Variants in PGM1 observed in about 807,000 individuals in gnomAD.
PGM1 encodes phosphoglucomutase-1.
In PGM1, 52 loss-of-function variants were observed where a neutral mutation model predicts 55.6. The ratio of observed to expected loss-of-function variants is 0.94; its 90% confidence interval spans 0.75 to 1.18. PGM1 has a LOEUF of 1.18. Among genes scored for constraint, PGM1 ranks in the 50% most tolerant of loss-of-function variants. The pLI, the probability that PGM1 is intolerant of heterozygous loss-of-function variation, is 0.00. For missense variants in PGM1, 724 were observed against 729.3 expected, an observed-to-expected ratio of 0.99 and a Z score of 0.08; for synonymous variants, 287 against 271.7, an observed-to-expected ratio of 1.06 and a Z score of -0.55.
At position 63,648,604 on chromosome 1, in the gene PGM1, A is replaced by T. The variant is rs758989551; in HGVS notation, c.1232A>T (p.Asp411Val). Reference sequence around the variant, plus strand: ...GCCACCCGCAAGCAGAGTGTGGAGGACATTCTCAAAGATCATTGGCAAAAG... The same window carrying T: ...GCCACCCGCAAGCAGAGTGTGGAGGTCATTCTCAAAGATCATTGGCAAAAG... ...ILATRKQSVE[D>V]ILKDHWQKYG... is the part of the protein sequence containing the mutation. The change falls in exon 8 of 11, where the codon GAC becomes GTC. Residue 411 changes from aspartate (D) to valine (V), a missense_variant. Coordinates refer to ENST00000371084, the MANE Select transcript of PGM1 (RefSeq NM_002633.3). 6.2e-7 allele frequency: 1 copy of T among 1,614,110 alleles called. No homozygotes were observed. The highest frequency in any genetic ancestry group is 2.2e-5 in the East Asian group (1 of 44,868).
intron 7 of PGM1, among the ~76,000 whole-genome samples, chr1:63,646,583 G>C (rs1348770020): frequency 6.6e-6 from 1 of 152,116 alleles, no homozygotes; most frequent in Non-Finnish European, 1.5e-5. Context: ...TGAAGGCTTT[G>C]ATCCTTTTTT....
intron 1 of PGM1, among the ~76,000 whole-genome samples, chr1:63,605,010 C>CCATAGGAGTGTTCACATTGTCGCATTGT (rs1553177875): frequency 2.0e-5 from 3 of 150,200 alleles, no homozygotes; most frequent in South Asian, 4.2e-4. Context: ...CAGTCACTAG[C>CCATAGGAGTGTTCACATTGTCGCATTGT]CATAGGAGTG....
Position 63,651,705 on chromosome 1 carries a change from C to T in PGM1, c.1317C>T (p.Asn439=). ...DYEEVEAEGA[N]KMMKDLEALM... ...AGGAGGTGGAAGCTGAGGGCGCAAA[C>T]AAAATGATGAAGGACTTGGAGGCCC... The change falls in exon 9 of 11, where the codon AAC becomes AAT. Residue 439 remains asparagine, a synonymous_variant. Coordinates refer to ENST00000371084, the MANE Select transcript of PGM1 (RefSeq NM_002633.3). 1.2e-6 allele frequency: 2 copies of T among 1,613,766 alleles called. No homozygotes were observed. The highest frequency in any genetic ancestry group is 8.5e-7 in the Non-Finnish European group (1 of 1,179,776).
intron 7 of PGM1, among the ~76,000 whole-genome samples, chr1:63,643,754 C>A (rs1039745040): frequency 1.3e-5 from 2 of 152,174 alleles, no homozygotes; most frequent in Admixed American, 6.5e-5. Flanking sequence ...AACTCATAGT[C>A]TAGGATACGG....
Position 63,631,807 on chromosome 1 carries a change from C to T in PGM1, c.682+25C>T. On this transcript the variant is annotated intron_variant, in intron 4 of 10. Coordinates refer to ENST00000371084, the MANE Select transcript of PGM1 (RefSeq NM_002633.3). ...GGTATACAATCATTTCTTTTCAATTCCCATCTCTTGAGGATAGGAAGTTGC... is the reference window on the plus strand; with the variant it reads ...GGTATACAATCATTTCTTTTCAATTTCCATCTCTTGAGGATAGGAAGTTGC... The T allele has an allele frequency of 2.5e-6, 4 of 1,611,088 alleles. No individual in the cohort carries two copies. The Middle Eastern group carries it at 6.6e-4, about 266-fold the overall frequency.
chr1:63,629,370 C>A, intron 1 of PGM1, 55 bp from the exon 2 acceptor site: 2 of 1,459,992 alleles, frequency 1.4e-6, no homozygotes, highest in South Asian at 1.1e-5. Context: ...TGTTTCTGAG[C>A]GGTGACTCTG....
chr1:63,609,989 A>G (rs1471981564), intron 1 of PGM1, among the ~76,000 whole-genome samples: 1 of 152,216 alleles, frequency 6.6e-6, no homozygotes, highest in African/African-American at 2.4e-5. Context: ...TAATTTTACC[A>G]CATAACCTCA....
At chr1:63,638,331 ACAT>A (rs574057393) in intron 6 of PGM1, among the ~76,000 whole-genome samples, 221 of 152,334 alleles carry the variant, frequency 1.5e-3, no homozygotes, top group African/African-American at 5.1e-3. Context: ...GTGCATCAAA[ACAT>A]CATTCTTCTC....
chr1:63,610,064 A>G (rs2100965384), intron 1 of PGM1, among the ~76,000 whole-genome samples: 1 of 152,376 alleles, frequency 6.6e-6, no homozygotes, highest in East Asian at 1.9e-4. Context: ...TTTCATAATT[A>G]ATTGTACAAT....
Position 63,619,820 on chromosome 1 carries a change from A to G in PGM1, c.247-9605A>G, listed in dbSNP as rs560073548. Among the ~76,000 whole-genome samples, 11 of 152,220 alleles carry G rather than the reference A, an allele frequency of 7.2e-5. No individual in the cohort carries two copies. The South Asian group carries it at 1.9e-3, about 26-fold the overall frequency. ...CTCCTTTCTGATGTGAACTTTTTTG[A>G]GAACAGAGGCCCATCCACCTTTGTT... is the stretch of plus-strand genomic sequence containing the variant. On this transcript the variant is annotated intron_variant, in intron 1 of 10. Transcript: ENST00000371084.
At chr1:63,629,382 A>C in intron 1 of PGM1, 43 bp from the exon 2 acceptor site, 1 of 1,558,766 alleles carries the variant, frequency 6.4e-7, no homozygotes, top group Non-Finnish European at 8.9e-7. Flanking sequence ...GTGACTCTGG[A>C]TGTATTGATG....
intron 7 of PGM1, among the ~76,000 whole-genome samples, chr1:63,639,235 C>T (rs1468601120): frequency 6.6e-6 from 1 of 152,024 alleles, no homozygotes; most frequent in Non-Finnish European, 1.5e-5. Context: ...TTTATAGGCC[C>T]AAGTTTTCTA....
At chr1:63,615,365 G>A (rs1557706812) in intron 1 of PGM1, among the ~76,000 whole-genome samples, 1 of 152,024 alleles carries the variant, frequency 6.6e-6, no homozygotes, top group Non-Finnish European at 1.5e-5. Flanking sequence ...TTCACTCTCT[G>A]CATTTTATGG....
At position 63,629,929 on chromosome 1, in the gene PGM1, G is replaced by A. The variant is rs764003137; in HGVS notation, c.410-13G>A. The A allele has an allele frequency of 6.8e-6, 11 of 1,613,952 alleles. No homozygotes were observed. The highest frequency in any genetic ancestry group is 9.3e-6 in the Non-Finnish European group (11 of 1,179,884). On this transcript the variant is annotated splice_polypyrimidine_tract_variant and intron_variant, in intron 2 of 10. Transcript: ENST00000371084. Reference sequence around the variant, plus strand: ...TGCACGAAGTAACCCACTGTTTGCTGTTTGGTTTCCAGGTCCTGCTCCAGA... The same window carrying A: ...TGCACGAAGTAACCCACTGTTTGCTATTTGGTTTCCAGGTCCTGCTCCAGA...
intron 1 of PGM1, chr1:63,594,118 A>T (rs2100948666): frequency 8.9e-6 from 9 of 1,008,846 alleles, no homozygotes; most frequent in Non-Finnish European, 1.1e-5. Flanking sequence ...ATTACGGCGC[A>T]GAGTGCTGTC....
intron 1 of PGM1, among the ~76,000 whole-genome samples, chr1:63,604,917 CTGTGTGTGTGTGTGTG>C (rs60618789): frequency 1.7e-5 from 2 of 118,836 alleles, no homozygotes; most frequent in African/African-American, 3.4e-5. Flanking sequence ...TTACATAACT[CTGTGTGTGTGTGTGTG>C]TGTGTGTGTG....
At chr1:63,649,941 G>C (rs907688040) in intron 8 of PGM1, among the ~76,000 whole-genome samples, 1 of 152,148 alleles carries the variant, frequency 6.6e-6, no homozygotes, top group Non-Finnish European at 1.5e-5. Context: ...GCATAAATAC[G>C]TTTTGAACCG....
chr1:63,653,577 G>T (rs897852235), intron 9 of PGM1, among the ~76,000 whole-genome samples: 1 of 152,200 alleles, frequency 6.6e-6, no homozygotes, highest in Non-Finnish European at 1.5e-5. Context: ...AGACTGAAGA[G>T]TCCTCAGGCA....
intron 1 of PGM1, among the ~76,000 whole-genome samples, chr1:63,618,462 A>G (rs1231173284): frequency 1.3e-5 from 2 of 152,214 alleles, no homozygotes; most frequent in Non-Finnish European, 1.5e-5. Flanking sequence ...CCACAAGGCT[A>G]ATCTTTAGAT....
Sources: allele counts gnomAD v4.1 joint callset (sites outside exome capture counted in the v4.1 genomes callset), GRCh38; gene constraint gnomAD v4.1.1; transcripts MANE v1.5; gene names NCBI Gene and HGNC (gene_info 2026-07-23, HGNC 2026-07-21).